The following FBXW7 variants were observed in gnomAD, a reference collection of about 807,000 sequenced individuals.
The protein encoded by FBXW7 is F-box/WD repeat-containing protein 7.
Under a neutral mutation model 86.3 loss-of-function variants are expected in FBXW7, and 11 were observed. The ratio of observed to expected loss-of-function variants is 0.13; its 90% CI spans 0.08 to 0.21. FBXW7 has a LOEUF of 0.21. FBXW7 is among the 10% of genes least tolerant of loss of function. FBXW7 has a pLI of 1.00. For missense variants in FBXW7, 488 were observed against 847.4 expected, an observed-to-expected ratio of 0.58 and a Z score of 5.27; for synonymous variants, 313 against 297.9, an observed-to-expected ratio of 1.05 and a Z score of -0.52.
chr4:152,332,175 AG>A (rs1293705811), intron 8 of FBXW7, among the ~76,000 whole-genome samples: 2 of 152,184 alleles, frequency 1.3e-5, no homozygotes, highest in African/African-American at 4.8e-5. Flanking sequence ...ACAGGTTTCA[AG>A]AACATAAGCT....
chr4:152,447,168 G>A (rs1741477358), intron 2 of FBXW7, among the ~76,000 whole-genome samples: 1 of 152,138 alleles, frequency 6.6e-6, no homozygotes, highest in South Asian at 2.1e-4. Flanking sequence ...TCTTAACATG[G>A]TGATTTGAAT....
At chr4:152,365,200 G>A (rs542134447) in intron 4 of FBXW7, among the ~76,000 whole-genome samples, 1 of 152,308 alleles carries the variant, frequency 6.6e-6, no homozygotes, top group East Asian at 1.9e-4. Context: ...ACACTGAACA[G>A]AGGTAGGATG....
At chr4:152,420,611 C>T (rs1473954738) in intron 2 of FBXW7, among the ~76,000 whole-genome samples, 1 of 152,124 alleles carries the variant, frequency 6.6e-6, no homozygotes, top group Non-Finnish European at 1.5e-5. Flanking sequence ...GATCCACGGG[C>T]TACACAATAG....
chr4:152,438,324 G>A (rs984345939), intron 2 of FBXW7, among the ~76,000 whole-genome samples: 4 of 152,112 alleles, frequency 2.6e-5, no homozygotes, highest in African/African-American at 9.7e-5. Flanking sequence ...ACTTTATTAT[G>A]ATATTTGCTT....
chr4:152,445,893 C>A (rs1295948263), intron 2 of FBXW7, among the ~76,000 whole-genome samples: 4 of 130,336 alleles, frequency 3.1e-5, no homozygotes, highest in Admixed American at 2.7e-4. Context: ...CTGGGTGACA[C>A]AGCAAGACTC....
chr4:152,447,776 T>A (rs1740012622), intron 2 of FBXW7, among the ~76,000 whole-genome samples: 1 of 152,136 alleles, frequency 6.6e-6, no homozygotes, highest in Non-Finnish European at 1.5e-5. Flanking sequence ...ACAACTGCAG[T>A]ACAACTCAAG....
In FBXW7 at chr4:152,361,965, CA is replaced by C. The variant is rs569330155; in HGVS notation, c.502-11842del. The stretch of plus-strand genomic sequence containing the variant: ...TGGGAGACAGAGCTAGACTCCATCT[CA>C]AAAAAAAAAAAAAAAAAAAGAACAG... On this transcript the variant is annotated intron_variant, in intron 4 of 13. Coordinates refer to ENST00000281708, the MANE Select transcript of FBXW7 (RefSeq NM_001349798.2). Among the ~76,000 whole-genome samples, 169 of 37,138 alleles carry C rather than the reference CA, an allele frequency of 4.6e-3. 1 individual carries two copies. The highest frequency in any genetic ancestry group is 0.011 in the African/African-American group (108 of 9,806). The allele number at this position is 37,138 out of a possible 152,430, so 24.4% of individuals were successfully genotyped here.
intron 8 of FBXW7, 103 bp from the exon 9 acceptor site, chr4:152,330,971 C>T (rs962778363): frequency 8.8e-7 from 1 of 1,135,490 alleles, no homozygotes; most frequent in Non-Finnish European, 1.2e-6. Flanking sequence ...TCTCTCTGCT[C>T]AAAACCACTG....
intron 2 of FBXW7, among the ~76,000 whole-genome samples, chr4:152,532,444 T>C (rs1750106626): frequency 6.6e-6 from 1 of 152,240 alleles, no homozygotes; most frequent in African/African-American, 2.4e-5. Flanking sequence ...AGTTGCTTCT[T>C]TGAACTGTAA....
chr4:152,473,157 T>C (rs780350231), intron 2 of FBXW7, among the ~76,000 whole-genome samples: 17 of 152,136 alleles, frequency 1.1e-4, no homozygotes, highest in African/African-American at 3.4e-4. Context: ...GGTGGGAAGA[T>C]AGCATGAGCC....
At chr4:152,486,777 T>C (rs544926037) in intron 2 of FBXW7, among the ~76,000 whole-genome samples, 170 of 152,272 alleles carry the variant, frequency 1.1e-3, no homozygotes, top group Non-Finnish European at 1.9e-3. Context: ...ACCGTTAACA[T>C]AGCTGTTTAT....
At chr4:152,432,568 G>C (rs1579184555) in intron 2 of FBXW7, among the ~76,000 whole-genome samples, 1 of 151,930 alleles carries the variant, frequency 6.6e-6, no homozygotes, top group African/African-American at 2.4e-5. Context: ...GCACTTTGGG[G>C]GGCCAAGGCA....
intron 2 of FBXW7, among the ~76,000 whole-genome samples, chr4:152,424,764 A>G (rs1739233339): frequency 6.6e-6 from 1 of 152,238 alleles, no homozygotes; most frequent in African/African-American, 2.4e-5. Flanking sequence ...TACTAAATCT[A>G]ATGCTGCTAA....
intron 4 of FBXW7, among the ~76,000 whole-genome samples, chr4:152,398,076 A>G (rs1736578770): frequency 6.6e-6 from 1 of 152,036 alleles, no homozygotes; most frequent in African/African-American, 2.4e-5. Context: ...TTAAAAAAAA[A>G]GCAAAAACAA....
intron 2 of FBXW7, among the ~76,000 whole-genome samples, chr4:152,455,028 T>C (rs2149617659): frequency 6.6e-6 from 1 of 152,248 alleles, no homozygotes; most frequent in South Asian, 2.1e-4. Context: ...AATCCAGAAA[T>C]TAAAGGTTTA....
chr4:152,373,264 T>G (rs1400540919), intron 4 of FBXW7, among the ~76,000 whole-genome samples: 1 of 152,074 alleles, frequency 6.6e-6, no homozygotes, highest in East Asian at 1.9e-4. Flanking sequence ...ACAAGGTGAT[T>G]TTAAGGATTA....
intron 5 of FBXW7, chr4:152,348,761 C>A: frequency 9.9e-7 from 1 of 1,005,702 alleles, no homozygotes; most frequent in Admixed American, 3.0e-5. Flanking sequence ...ATGCAAATTT[C>A]TCATCCAAGA....
chr4:152,344,203 G>A (rs1046449493), intron 6 of FBXW7, among the ~76,000 whole-genome samples: 1 of 152,072 alleles, frequency 6.6e-6, no homozygotes, highest in African/African-American at 2.4e-5. Context: ...TTAAAGCACA[G>A]TAAGCCTTTA....
intron 6 of FBXW7, among the ~76,000 whole-genome samples, chr4:152,338,845 T>C (rs766821076): frequency 1.4e-4 from 22 of 152,162 alleles, no homozygotes; most frequent in Admixed American, 1.3e-4. Flanking sequence ...CTGATTTAAG[T>C]ACCATTTTAA....
Sources: gnomAD v4.1 joint callset for allele counts (sites outside exome capture counted in the v4.1 genomes callset) on GRCh38, gnomAD v4.1.1 for gene constraint, MANE v1.5 for transcripts, NCBI Gene and HGNC (gene_info 2026-07-23, HGNC 2026-07-21) for gene names.